The following ARB2A variants were observed in gnomAD, a reference collection of about 807,000 sequenced individuals.
The protein encoded by ARB2A is ARB2 cotranscriptional regulator A.
At chr5:94,028,838 CTAAGAA>C in the ARB2A span, among the ~76,000 whole-genome samples, 2 of 152,056 alleles carry the variant, frequency 1.3e-5, no homozygotes, top group African/African-American at 4.8e-5. Context: ...CATGTATCTC[CTAAGAA>C]TAAGAACATT....
chr5:94,103,180 G>T, the ARB2A span, among the ~76,000 whole-genome samples: 1 of 152,042 alleles, frequency 6.6e-6, no homozygotes, highest in South Asian at 2.1e-4. Flanking sequence ...TACTGACTCT[G>T]AATGTAAATG....
At chr5:93,618,751 C>T in the ARB2A span, 1 of 152,182 alleles carries the variant, frequency 6.6e-6, no homozygotes, top group Non-Finnish European at 1.5e-5. Flanking sequence ...TTGCAAATAG[C>T]TCTCCATAAA....
the ARB2A span, among the ~76,000 whole-genome samples, chr5:94,065,577 A>G: frequency 6.6e-6 from 1 of 152,180 alleles, no homozygotes; most frequent in Non-Finnish European, 1.5e-5. Context: ...AGGAGTAGCT[A>G]TATTTATATC....
At chr5:94,042,733 T>C in the ARB2A span, among the ~76,000 whole-genome samples, 1 of 152,208 alleles carries the variant, frequency 6.6e-6, no homozygotes, top group Non-Finnish European at 1.5e-5. Context: ...GGGTGTCACA[T>C]AAATAGTACA....
At chr5:93,795,455 T>G in the ARB2A span, among the ~76,000 whole-genome samples, 1 of 152,138 alleles carries the variant, frequency 6.6e-6, no homozygotes, top group African/African-American at 2.4e-5. Context: ...TCCAGTTCCT[T>G]CAGAGGGTCT....
the ARB2A span, among the ~76,000 whole-genome samples, chr5:93,699,430 G>A: frequency 1.2e-4 from 19 of 152,164 alleles, no homozygotes; most frequent in Admixed American, 2.0e-4. Context: ...CATCTTATTC[G>A]TACTGTGATG....
At chr5:93,964,570 T>C in the ARB2A span, 1 of 1,392,176 alleles carries the variant, frequency 7.2e-7, no homozygotes, top group Non-Finnish European at 9.8e-7. Flanking sequence ...TCATCCATTA[T>C]CAAAACTGAC....
the ARB2A span, among the ~76,000 whole-genome samples, chr5:93,781,283 A>T: frequency 6.6e-6 from 1 of 152,140 alleles, no homozygotes; most frequent in Admixed American, 6.6e-5. Context: ...TCTGTTTCTG[A>T]GTGATTTCAG....
the ARB2A span, among the ~76,000 whole-genome samples, chr5:93,832,162 C>T: frequency 1.3e-5 from 2 of 152,084 alleles, no homozygotes; most frequent in Admixed American, 1.3e-4. Context: ...TTGTGGCAAC[C>T]CCCAGAACCT....
the ARB2A span, among the ~76,000 whole-genome samples, chr5:93,808,566 C>G: frequency 3.3e-5 from 5 of 151,866 alleles, no homozygotes; most frequent in African/African-American, 4.8e-5. Context: ...TGTATTGATA[C>G]AGGAACAGTT....
chr5:93,955,731 G>T, the ARB2A span, among the ~76,000 whole-genome samples: 1 of 152,256 alleles, frequency 6.6e-6, no homozygotes, highest in African/African-American at 2.4e-5. Context: ...TAGAGCCTGA[G>T]AAATATAAAT....
At chr5:93,749,695 C>T in the ARB2A span, among the ~76,000 whole-genome samples, 1 of 152,062 alleles carries the variant, frequency 6.6e-6, no homozygotes. Context: ...CCAAGATCTT[C>T]CTGGTAAATG....
chr5:93,696,452 C>T, the ARB2A span, among the ~76,000 whole-genome samples: 1 of 152,144 alleles, frequency 6.6e-6, no homozygotes, highest in Admixed American at 6.5e-5. Context: ...CCTTCTCAAT[C>T]CCTGAACGTC....
the ARB2A span, among the ~76,000 whole-genome samples, chr5:93,886,699 A>G: frequency 6.6e-6 from 1 of 151,770 alleles, no homozygotes; most frequent in East Asian, 1.9e-4. Context: ...GCTCTGCTTG[A>G]AAAATGCCCC....
At chr5:94,075,466 G>A in the ARB2A span, among the ~76,000 whole-genome samples, 151 of 151,830 alleles carry the variant, frequency 9.9e-4, 1 homozygote, top group African/African-American at 3.6e-3. Flanking sequence ...TAATGGGAAT[G>A]GCTTTTCCCA....
At chr5:93,912,147 A>G in the ARB2A span, among the ~76,000 whole-genome samples, 1 of 151,676 alleles carries the variant, frequency 6.6e-6, no homozygotes, top group African/African-American at 2.4e-5. Flanking sequence ...TAATTGATGA[A>G]TTTTTCATTT....
At chr5:94,030,600 A>G in the ARB2A span, among the ~76,000 whole-genome samples, 1 of 152,212 alleles carries the variant, frequency 6.6e-6, no homozygotes, top group Non-Finnish European at 1.5e-5. Context: ...TGCTTTTAAT[A>G]GCTTAAGTGA....
the ARB2A span, among the ~76,000 whole-genome samples, chr5:93,829,773 T>C: frequency 2.0e-5 from 3 of 152,192 alleles, no homozygotes; most frequent in Non-Finnish European, 4.4e-5. Context: ...ATAGGGATTT[T>C]AGGCTTTGAT....
chr5:94,101,336 A>G, the ARB2A span, among the ~76,000 whole-genome samples: 1 of 152,268 alleles, frequency 6.6e-6, no homozygotes, highest in African/African-American at 2.4e-5. Flanking sequence ...ACCCTGATAC[A>G]TTGTCGGTAG....
Sources: gnomAD v4.1 joint callset for allele counts (sites outside exome capture counted in the v4.1 genomes callset) on GRCh38, gnomAD v4.1.1 for gene constraint, MANE v1.5 for transcripts, NCBI Gene and HGNC (gene_info 2026-07-23, HGNC 2026-07-21) for gene names.